The following PLPPR1 variants were observed in gnomAD, a reference collection of about 807,000 sequenced individuals.
PLPPR1 encodes the protein phospholipid phosphatase related 1.
Under a neutral mutation model 33.1 loss-of-function variants are expected in PLPPR1, and 10 were observed. The observed-to-expected ratio is 0.30, with a 90% CI of 0.19 to 0.51. The LOEUF is 0.51. Among genes scored for constraint, PLPPR1 ranks in the 20% least tolerant of loss-of-function variants. The probability of loss-of-function intolerance (pLI) is 0.97; values close to 1 mark genes in which losing one functional copy is unlikely to be tolerated. For missense variants in PLPPR1, 304 were observed against 408.1 expected, an observed-to-expected ratio of 0.74 and a Z score of 2.20; for synonymous variants, 151 against 151.0, an observed-to-expected ratio of 1.00 and a Z score of 0.00.
chr9:101,239,936 G>A (rs1399054376), intron 2 of PLPPR1, among the ~76,000 whole-genome samples: 1 of 151,908 alleles, frequency 6.6e-6, no homozygotes, highest in East Asian at 1.9e-4. Flanking sequence ...GTTGTTGCCT[G>A]TGCTTTTGAA....
intron 3 of PLPPR1, among the ~76,000 whole-genome samples, chr9:101,275,749 T>C (rs1240371095): frequency 1.3e-5 from 2 of 152,182 alleles, no homozygotes; most frequent in Admixed American, 1.3e-4. Context: ...CTATTAAACC[T>C]TTTTTCTTGG....
chr9:101,099,949 A>G (rs911768567), intron 1 of PLPPR1, among the ~76,000 whole-genome samples: 2 of 152,142 alleles, frequency 1.3e-5, no homozygotes, highest in Non-Finnish European at 2.9e-5. Flanking sequence ...TCCCAGATCC[A>G]GTCACTGATG....
At chr9:101,312,469 T>C (rs762348350) in intron 5 of PLPPR1, among the ~76,000 whole-genome samples, 3 of 152,242 alleles carry the variant, frequency 2.0e-5, no homozygotes, top group Non-Finnish European at 2.9e-5. Flanking sequence ...ATACCCCAAA[T>C]GATATTTAAA....
intron 1 of PLPPR1, among the ~76,000 whole-genome samples, chr9:101,144,248 A>T (rs1445559385): frequency 6.6e-6 from 1 of 151,980 alleles, no homozygotes; most frequent in Non-Finnish European, 1.5e-5. Flanking sequence ...GGGGAACATC[A>T]CACACCGGGG....
intron 2 of PLPPR1, among the ~76,000 whole-genome samples, chr9:101,259,634 A>G (rs926598091): frequency 1.3e-5 from 2 of 152,172 alleles, no homozygotes; most frequent in Non-Finnish European, 2.9e-5. Context: ...CATGCCTATG[A>G]TATAGCCTGA....
At chr9:101,119,387 C>A (rs1831150230) in intron 1 of PLPPR1, among the ~76,000 whole-genome samples, 1 of 152,172 alleles carries the variant, frequency 6.6e-6, no homozygotes, top group Admixed American at 6.5e-5. Flanking sequence ...TCAGAGCAAA[C>A]CCTGGCCATC....
At chr9:101,232,225 C>A (rs1391644529) in intron 2 of PLPPR1, among the ~76,000 whole-genome samples, 1 of 151,914 alleles carries the variant, frequency 6.6e-6, no homozygotes, top group Non-Finnish European at 1.5e-5. Flanking sequence ...TATCCAAAAG[C>A]ATTCTTTGCA....
chr9:101,176,649 C>T (rs1826023650), intron 1 of PLPPR1, among the ~76,000 whole-genome samples: 1 of 151,982 alleles, frequency 6.6e-6, no homozygotes, highest in African/African-American at 2.4e-5. Context: ...CCCTCTCTAC[C>T]CATGTATAAT....
chr9:101,106,103 A>G (rs917708378), intron 1 of PLPPR1, among the ~76,000 whole-genome samples: 2 of 151,316 alleles, frequency 1.3e-5, no homozygotes, highest in African/African-American at 2.5e-5. Flanking sequence ...TCTTTATCCA[A>G]CTTGCCAGTC....
intron 1 of PLPPR1, among the ~76,000 whole-genome samples, chr9:101,142,202 T>C (rs993896658): frequency 6.6e-6 from 1 of 152,332 alleles, no homozygotes; most frequent in African/African-American, 2.4e-5. Context: ...GTCTTACTGC[T>C]AATAATAGTA....
chr9:101,258,042 G>A (rs1053314595), intron 2 of PLPPR1, among the ~76,000 whole-genome samples: 5 of 152,130 alleles, frequency 3.3e-5, no homozygotes, highest in South Asian at 2.1e-4. Flanking sequence ...AAAGCCACAC[G>A]TTAGGCAGAA....
At chr9:101,209,725 T>A (rs1826656265) in intron 2 of PLPPR1, among the ~76,000 whole-genome samples, 2 of 152,254 alleles carry the variant, frequency 1.3e-5, no homozygotes, top group African/African-American at 4.8e-5. Flanking sequence ...TCAAGGAATC[T>A]GACTATTCCG....
At chr9:101,250,012 G>T (rs758824208) in intron 2 of PLPPR1, among the ~76,000 whole-genome samples, 1 of 152,040 alleles carries the variant, frequency 6.6e-6, no homozygotes, top group Non-Finnish European at 1.5e-5. Flanking sequence ...TTAAATCCGT[G>T]CTGCCTAGTG....
At chr9:101,079,295 G>C (rs1204896850) in intron 1 of PLPPR1, among the ~76,000 whole-genome samples, 2 of 152,082 alleles carry the variant, frequency 1.3e-5, no homozygotes, top group Non-Finnish European at 2.9e-5. Context: ...CTGCTTTCTT[G>C]TGTAAAATCC....
chr9:101,062,853 G>T lies in PLPPR1; in HGVS notation c.-46+33751G>T, dbSNP rs1445719019. On this transcript the variant is annotated intron_variant, in intron 1 of 7. Coordinates refer to ENST00000374874, the MANE Select transcript of PLPPR1 (RefSeq NM_207299.2). ...TGTTTGGAAATATGGTTTACTCTGGGTCATTCATTTATCATTGTGTCCACC... is the reference window on the plus strand; with the variant it reads ...TGTTTGGAAATATGGTTTACTCTGGTTCATTCATTTATCATTGTGTCCACC... 5.3e-5 allele frequency among the ~76,000 whole-genome samples: 8 copies of T among 152,140 alleles called. No individual in the cohort carries two copies. The East Asian group carries it at 1.4e-3, about 26-fold the overall frequency.
chr9:101,169,771 A>G (rs185331917), intron 1 of PLPPR1, among the ~76,000 whole-genome samples: 1 of 152,270 alleles, frequency 6.6e-6, no homozygotes, highest in Admixed American at 6.6e-5. Context: ...TCCCAGAGGT[A>G]GAATTCAATA....
chr9:101,292,166 C>T (rs1357239898), intron 4 of PLPPR1, among the ~76,000 whole-genome samples: 2 of 151,894 alleles, frequency 1.3e-5, no homozygotes, highest in Non-Finnish European at 2.9e-5. Flanking sequence ...GGAGCCGACG[C>T]AATCAACTGG....
intron 4 of PLPPR1, among the ~76,000 whole-genome samples, chr9:101,301,712 G>C (rs984739167): frequency 6.6e-6 from 1 of 152,126 alleles, no homozygotes; most frequent in African/African-American, 2.4e-5. Context: ...AGGGCATATG[G>C]ATCAATTGCA....
In PLPPR1 at chr9:101,324,188, C is replaced by T; in HGVS notation, c.*131C>T. 2 of 614,540 alleles carry T rather than the reference C, an allele frequency of 3.3e-6. No homozygotes were observed. The highest frequency in any genetic ancestry group is 5.5e-5 in the South Asian group (2 of 36,382). 38.1% of individuals were successfully genotyped at this position (614,540 alleles called of 1,614,324 possible). ...TCTAGTTAGAAGCTAATGTTTTGTA[C>T]ATTTTTTGTATGAGGAAGTGATGTA... is the stretch of plus-strand genomic sequence containing the variant. On this transcript the variant is annotated 3_prime_UTR_variant, in exon 8 of 8. Coordinates refer to ENST00000374874, the MANE Select transcript of PLPPR1 (RefSeq NM_207299.2).
Sources: gnomAD v4.1 joint callset for allele counts (sites outside exome capture counted in the v4.1 genomes callset) on GRCh38, gnomAD v4.1.1 for gene constraint, MANE v1.5 for transcripts, NCBI Gene and HGNC (gene_info 2026-07-23, HGNC 2026-07-21) for gene names.